The following STXBP2 variants were observed in gnomAD, a reference collection of about 807,000 sequenced individuals.
The protein encoded by STXBP2 is syntaxin binding protein 2.
Under a neutral mutation model 72.2 loss-of-function variants are expected in STXBP2, and 47 were observed. The ratio of observed to expected loss-of-function variants is 0.65; its 90% confidence interval spans 0.51 to 0.83. The LOEUF is 0.83. STXBP2 is among the 40% of genes least tolerant of loss of function. The probability of loss-of-function intolerance (pLI) is 0.00; values close to 1 mark genes in which losing one functional copy is unlikely to be tolerated. For missense variants in STXBP2, 702 were observed against 807.6 expected (o/e 0.87, Z 1.58); for synonymous variants, 367 against 338.7 (o/e 1.08, Z -0.92).
the STXBP2 span, chr19:7,631,834 G>A: frequency 3.6e-6 from 5 of 1,384,308 alleles, no homozygotes; most frequent in Non-Finnish European, 3.8e-6. Flanking sequence ...GGTCAGCCAG[G>A]GGGAGGGCTC....
rs1021959814 is a variant in STXBP2, at chr19:7,647,745, C to A, written c.1717C>A (p.Pro573Thr). 1.9e-6 allele frequency: 3 copies of A among 1,614,026 alleles called. No homozygotes were observed. The African/African-American group carries it at 4.0e-5, about 22-fold the overall frequency. The change falls in exon 19 of 19, where the codon CCG becomes ACG. Residue 573 changes from proline to threonine, a missense_variant. Pro to Thr is a conservative substitution (Grantham distance 38, BLOSUM62 -1). Transcript: ENST00000221283. ...VLIGSSHILTPTRFLDDLKAL... is the reference protein window; with the variant it reads ...VLIGSSHILTTTRFLDDLKAL... ...CACAGGCTCCTCACACATCCTCACC[C>A]CGACCCGCTTCCTGGATGACCTGAA...
At chr19:7,640,486 ATGTG>A (rs761652722) in intron 4 of STXBP2, 75 of 632,650 alleles carry the variant, frequency 1.2e-4, no homozygotes, top group Non-Finnish European at 1.4e-4. Flanking sequence ...GCATGTGTGT[ATGTG>A]TGTGTGCATC....
In STXBP2 at chr19:7,645,294, C is replaced by T. The variant is rs1259461520; in HGVS notation, c.1344C>T (p.Val448=). 3 of 1,585,086 alleles carry T rather than the reference C, an allele frequency of 1.9e-6. No individual in the cohort carries two copies. In the Admixed American group the frequency reaches 5.3e-5, roughly 28 times the overall value. ...IRNLEQLGGT[V]TNPGGSGTSS... ...ACCTGGAGCAGCTGGGAGGCACTGT[C>T]ACCAACCCCGGGGTACGCCAGGAGC... The change falls in exon 15 of 19, where the codon GTC becomes GTT. Residue 448 remains valine, a synonymous_variant. Transcript: ENST00000221283.
chr19:7,632,452 T>C (rs1239477848), upstream of STXBP2: 1 of 1,613,730 alleles, frequency 6.2e-7, no homozygotes, highest in Non-Finnish European at 8.5e-7. The surrounding 1 kb of genome is among the most constrained non-coding windows in gnomAD (Gnocchi z 5.2). Context: ...TGGTCATCCA[T>C]GCGGCGGCCC....
Position 7,642,825 on chromosome 19 carries a change from T to C in STXBP2, c.960+2T>C. The C allele has an allele frequency of 6.2e-7, 1 of 1,613,780 alleles. No individual in the cohort carries two copies. The highest frequency in any genetic ancestry group is 1.3e-5 in the African/African-American group (1 of 74,916). ...AGCAAGAGGCTGACCACGGACAAGG[T>C]AGGGGCGGACCCAGGTCACCAAAGG... On this transcript the variant is annotated splice_donor_variant, in intron 11 of 18. Transcript: ENST00000221283. LOFTEE classifies it high-confidence loss of function. This position sits in a 1 kb window ranked among gnomAD's most constrained non-coding sequence, Gnocchi z 6.0.
intron 15 of STXBP2, 85 bp from the exon 16 acceptor site, chr19:7,646,164 C>A: frequency 8.6e-7 from 1 of 1,169,158 alleles, no homozygotes; most frequent in Non-Finnish European, 1.2e-6. Context: ...CATCCCCCAC[C>A]CTACCAGCCA....
rs373455701 is a variant in STXBP2 at position 7,641,052 on chromosome 19, T to G, written c.429+49T>G. 2.0e-5 allele frequency: 32 copies of G among 1,584,064 alleles called. No homozygotes were observed. In the African/African-American group the frequency reaches 4.0e-4, roughly 20 times the overall value. ...CAGGGGGTGGGGGTTTGTGACCAAA[T>G]GTCCCCTGTTCCCTCAGAAACAGAC... On this transcript the variant is annotated intron_variant, in intron 6 of 18. Transcript: ENST00000221283.
chr19:7,631,181 C>T, the STXBP2 span: 4 of 1,270,764 alleles, frequency 3.1e-6, no homozygotes, highest in Non-Finnish European at 4.2e-6. Flanking sequence ...TGCACTCCAG[C>T]CTGGGCAATA....
In STXBP2 at chr19:7,640,816, G is replaced by A. The variant is rs1456012507; in HGVS notation, c.325+7G>A. On this transcript the variant is annotated splice_region_variant and intron_variant, in intron 5 of 18. Coordinates refer to ENST00000221283, the MANE Select transcript of STXBP2 (RefSeq NM_006949.4). ...CATATCTTCTTCACCGACAGTGAGT[G>A]AGGAGAGCCTAGGGTGTTGGTGGGT... 1.9e-6 allele frequency: 3 copies of A among 1,614,162 alleles called. No homozygotes were observed. The highest frequency in any genetic ancestry group is 3.3e-5 in the Admixed American group (2 of 60,028).
chr19:7,646,008 CCT>C (rs1200723702), intron 15 of STXBP2: 3 of 584,110 alleles, frequency 5.1e-6, no homozygotes, highest in African/African-American at 3.7e-5. Context: ...CCTATCTCTG[CCT>C]CTGTCTTTGT....
chr19:7,631,827 C>T, the STXBP2 span: 2 of 1,383,448 alleles, frequency 1.4e-6, no homozygotes, highest in South Asian at 2.1e-5. Flanking sequence ...GAAGAGGGGT[C>T]AGCCAGGGGG....
upstream of STXBP2, chr19:7,632,563 G>T (rs752473935): frequency 6.2e-7 from 1 of 1,605,532 alleles, no homozygotes. This position sits in a 1 kb window ranked among gnomAD's most constrained non-coding sequence, Gnocchi z 5.2. Flanking sequence ...CGGAGTGGGG[G>T]CCCCCAACCC....
At chr19:7,629,960 C>T in the STXBP2 span, 1 of 1,335,420 alleles carries the variant, frequency 7.5e-7, no homozygotes, top group Non-Finnish European at 9.9e-7. Context: ...AGAGGGAGCT[C>T]CAAGGAGAAA....
chr19:7,632,854 G>T (rs1374154742), upstream of STXBP2: 9 of 1,541,638 alleles, frequency 5.8e-6, no homozygotes, highest in South Asian at 1.2e-5. The surrounding 1 kb of genome is among the most constrained non-coding windows in gnomAD (Gnocchi z 5.2). Context: ...CGCTCAGTCT[G>T]GTTGGCCCTT....
At chr19:7,630,148 C>T in the STXBP2 span, 3 of 474,106 alleles carry the variant, frequency 6.3e-6, no homozygotes, top group Non-Finnish European at 1.1e-5. Context: ...GACTTAAGAT[C>T]CTGGGGGAGC....
At chr19:7,646,190 C>G (rs745467358) in intron 15 of STXBP2, 59 bp from the exon 16 acceptor site, 2 of 1,476,644 alleles carry the variant, frequency 1.4e-6, no homozygotes, top group Non-Finnish European at 1.9e-6. Context: ...GGCGCAGCCC[C>G]TCTGTGACCA....
chr19:7,640,208 GTA>G (rs1201517791), intron 4 of STXBP2: 5 of 546,596 alleles, frequency 9.1e-6, no homozygotes, highest in South Asian at 4.6e-5. Context: ...GCGTGTGTAT[GTA>G]TGTGTCTGCG....
intron 4 of STXBP2, chr19:7,640,134 GTGTGTGTGCATC>G (rs750059283): frequency 2.2e-4 from 59 of 262,546 alleles, no homozygotes; most frequent in Non-Finnish European, 3.7e-4. Context: ...GTGTATGTAT[GTGTGTGTGCATC>G]TGTGTGCATC....
At position 7,637,147 on chromosome 19, in the gene STXBP2, A is replaced by G. The variant is rs2031573651; in HGVS notation, c.-3A>G. On this transcript the variant is annotated 5_prime_UTR_variant, in exon 1 of 19. Transcript: ENST00000221283. ...GAAGCGGCGGCGGCGCCCCTCGGGGAAGATGGCGCCCTCGGGGCTGAAGGC... is the reference window on the plus strand; with the variant it reads ...GAAGCGGCGGCGGCGCCCCTCGGGGGAGATGGCGCCCTCGGGGCTGAAGGC... 8.1e-7 allele frequency: 1 copy of G among 1,240,028 alleles called. No homozygotes were observed. The allele number at this position is 1,240,028 out of a possible 1,614,324, so 76.8% of individuals were successfully genotyped here.
Sources: allele counts gnomAD v4.1 joint callset, GRCh38; gene constraint gnomAD v4.1.1; non-coding constraint Gnocchi (gnomAD v3.1); transcripts MANE v1.5; gene names NCBI Gene and HGNC (gene_info 2026-07-23, HGNC 2026-07-21).